Variants in THRB observed in about 807,000 individuals in gnomAD.
THRB encodes nuclear receptor subfamily 1 group A member 2.
A neutral mutation model predicts 47.8 loss-of-function variants in THRB; 12 were observed. The ratio of observed to expected loss-of-function variants is 0.25; its 90% CI spans 0.16 to 0.41. THRB has a LOEUF of 0.41. Among genes scored for constraint, THRB ranks in the 10% least tolerant of loss-of-function variants. THRB has a pLI of 1.00. For synonymous variants in THRB, 218 were observed against 212.2 expected (o/e 1.03, Z -0.24); for missense variants, 348 against 589.2 (o/e 0.59, Z 4.24).
At chr3:24,254,518 T>C (rs114727292) in intron 3 of THRB, among the ~76,000 whole-genome samples, 3,319 of 152,182 alleles carry the variant, frequency 0.022, 106 homozygotes, top group African/African-American at 0.075. Flanking sequence ...GTAAGAACAG[T>C]GTCACTAAAA....
chr3:24,353,819 G>C (rs1347575289), intron 1 of THRB, among the ~76,000 whole-genome samples: 1 of 151,988 alleles, frequency 6.6e-6, no homozygotes, highest in African/African-American at 2.4e-5. Context: ...ATTTAATAAA[G>C]CACATATGCA....
intron 2 of THRB, among the ~76,000 whole-genome samples, chr3:24,298,578 T>C (rs537918343): frequency 6.6e-6 from 1 of 152,360 alleles, no homozygotes; most frequent in African/African-American, 2.4e-5. Flanking sequence ...CTGATTTTCA[T>C]AGATTGTTAG....
chr3:24,157,901 T>C (rs906689999), intron 5 of THRB, among the ~76,000 whole-genome samples: 3 of 152,174 alleles, frequency 2.0e-5, no homozygotes, highest in African/African-American at 2.4e-5. Context: ...TAGTGAAATG[T>C]TCCTTTTGCC....
At chr3:24,475,168 T>C (rs559148014) in intron 1 of THRB, among the ~76,000 whole-genome samples, 7 of 152,286 alleles carry the variant, frequency 4.6e-5, no homozygotes, top group Admixed American at 3.9e-4. Context: ...TGAAATATGA[T>C]GTAAGGATTT....
intron 1 of THRB, among the ~76,000 whole-genome samples, chr3:24,438,654 TAGAC>T (rs1308821771): frequency 6.6e-6 from 1 of 152,084 alleles, no homozygotes; most frequent in Non-Finnish European, 1.5e-5. Context: ...GAGACATCCT[TAGAC>T]AGAACAGAAA....
intron 2 of THRB, among the ~76,000 whole-genome samples, chr3:24,310,110 A>G (rs1184028916): frequency 1.3e-5 from 2 of 152,088 alleles, no homozygotes; most frequent in African/African-American, 4.8e-5. Flanking sequence ...CTACTTGCAA[A>G]ATGTTTCTCT....
intron 4 of THRB, among the ~76,000 whole-genome samples, chr3:24,210,136 G>A (rs547203797): frequency 6.6e-6 from 1 of 152,226 alleles, no homozygotes; most frequent in Admixed American, 6.5e-5. Context: ...GCTGCAAAAT[G>A]GTCCATGCTT....
At chr3:24,213,314 G>C (rs2046249464) in intron 4 of THRB, among the ~76,000 whole-genome samples, 1 of 152,154 alleles carries the variant, frequency 6.6e-6, no homozygotes, top group South Asian at 2.1e-4. Flanking sequence ...CTTGAGAAGG[G>C]ATGGGGCTTG....
intron 1 of THRB, among the ~76,000 whole-genome samples, chr3:24,435,257 T>C (rs2070823389): frequency 6.6e-6 from 1 of 151,970 alleles, no homozygotes; most frequent in Non-Finnish European, 1.5e-5. Context: ...ACTGAGCGGG[T>C]AGATAGAAGG....
chr3:24,180,460 A>G (rs779382623), intron 5 of THRB, among the ~76,000 whole-genome samples: 9 of 152,234 alleles, frequency 5.9e-5, no homozygotes, highest in Non-Finnish European at 1.3e-4. Context: ...AAAGTTGAAT[A>G]AAGTCAAGTC....
chr3:24,123,256 A>T, intron 10 of THRB, 131 bp from the exon 11 acceptor site: 1 of 1,335,940 alleles, frequency 7.5e-7, no homozygotes, highest in Non-Finnish European at 1.1e-6. Context: ...GCATGGATGC[A>T]GCGTGAACTC....
chr3:24,293,028 G>GTTTA (rs2056098616), intron 3 of THRB, among the ~76,000 whole-genome samples: 2 of 151,972 alleles, frequency 1.3e-5, no homozygotes, highest in Admixed American at 1.3e-4. Context: ...GTTTTTGTTT[G>GTTTA]TTGCTCATAA....
chr3:24,154,904 C>T (rs2037576450), intron 5 of THRB, among the ~76,000 whole-genome samples: 1 of 152,220 alleles, frequency 6.6e-6, no homozygotes, highest in Non-Finnish European at 1.5e-5. Flanking sequence ...TGTCTAATCT[C>T]AGGTATGAGA....
intron 3 of THRB, among the ~76,000 whole-genome samples, chr3:24,242,732 G>A (rs1243312023): frequency 6.6e-6 from 1 of 152,008 alleles, no homozygotes; most frequent in Non-Finnish European, 1.5e-5. Flanking sequence ...ATTACAATAA[G>A]CCCTTTCTTA....
At chr3:24,260,085 T>C (rs1042155155) in intron 3 of THRB, among the ~76,000 whole-genome samples, 1 of 152,358 alleles carries the variant, frequency 6.6e-6, no homozygotes, top group Non-Finnish European at 1.5e-5. Context: ...ACCACTAATC[T>C]ACTTTCTGTT....
intron 1 of THRB, among the ~76,000 whole-genome samples, chr3:24,369,285 C>T (rs550248118): frequency 8.5e-5 from 13 of 152,202 alleles, no homozygotes; most frequent in African/African-American, 1.9e-4. Flanking sequence ...TTTCATGCTA[C>T]GTTGAATTCA....
intron 4 of THRB, among the ~76,000 whole-genome samples, chr3:24,222,325 A>C (rs775585535): frequency 3.9e-5 from 6 of 152,180 alleles, no homozygotes; most frequent in Non-Finnish European, 7.3e-5. Context: ...CCCAAGGAAG[A>C]TCTGTTTATT....
intron 1 of THRB, among the ~76,000 whole-genome samples, chr3:24,375,646 C>T (rs1577179437): frequency 2.0e-5 from 3 of 150,646 alleles, no homozygotes; most frequent in Admixed American, 1.3e-4. Context: ...TTTCTTAGAC[C>T]CCCCCAGACT....
intron 1 of THRB, among the ~76,000 whole-genome samples, chr3:24,398,795 A>G (rs1463491839): frequency 6.6e-6 from 1 of 152,158 alleles, no homozygotes; most frequent in Non-Finnish European, 1.5e-5. Flanking sequence ...TTATTGCGGC[A>G]CTATTCACAA....
Sources: allele counts gnomAD v4.1 joint callset (sites outside exome capture counted in the v4.1 genomes callset), GRCh38; gene constraint gnomAD v4.1.1; transcripts MANE v1.5; gene names NCBI Gene and HGNC (gene_info 2026-07-23, HGNC 2026-07-21).